The following HS6ST1 variants were observed in gnomAD, a reference collection of about 807,000 sequenced individuals.
The protein encoded by HS6ST1 is heparan-sulfate 6-O-sulfotransferase 1.
HS6ST1 carries 3 observed loss-of-function variants against 25.2 expected under a neutral mutation model. The ratio of observed to expected loss-of-function variants is 0.12; its 90% confidence interval spans 0.05 to 0.31. The LOEUF (loss-of-function observed/expected upper bound fraction) is 0.31, where lower values mean the gene tolerates loss of function less well. Among genes scored for constraint, HS6ST1 ranks in the 10% least tolerant of loss-of-function variants. The pLI is 1.00. For synonymous variants in HS6ST1, 204 were observed against 275.1 expected (o/e 0.74, Z 2.56); for missense variants, 310 against 609.6 (o/e 0.51, Z 5.18).
chr2:128,303,124 G>A (rs149374837), intron 1 of HS6ST1, among the ~76,000 whole-genome samples: 150 of 152,348 alleles, frequency 9.8e-4, no homozygotes, highest in African/African-American at 3.6e-3. Context: ...GCCTGGGCCT[G>A]CCCCACCCCT....
intron 1 of HS6ST1, among the ~76,000 whole-genome samples, chr2:128,291,525 C>G (rs17016102): frequency 0.1 from 15,350 of 152,296 alleles, 868 homozygotes; most frequent in African/African-American, 0.15. Context: ...GAAGGTGCGT[C>G]AGCGGGAGCA....
intron 1 of HS6ST1, among the ~76,000 whole-genome samples, chr2:128,292,980 C>T (rs1172780131): frequency 6.6e-6 from 1 of 152,140 alleles, no homozygotes; most frequent in East Asian, 1.9e-4. Flanking sequence ...GCAAAAGAGC[C>T]CTGGAGACCA....
At chr2:128,276,444 TAA>T in intron 1 of HS6ST1, among the ~76,000 whole-genome samples, 1 of 152,240 alleles carries the variant, frequency 6.6e-6, no homozygotes, top group East Asian at 1.9e-4. Context: ...CCTGTTTTTT[TAA>T]AAAAGTGATG....
At chr2:128,282,528 G>A (rs1485604168) in intron 1 of HS6ST1, among the ~76,000 whole-genome samples, 2 of 152,218 alleles carry the variant, frequency 1.3e-5, no homozygotes, top group Admixed American at 1.3e-4. Flanking sequence ...GGGCAGCTCC[G>A]CCAGCGTCCT....
At chr2:128,294,197 CT>C (rs1694001631) in intron 1 of HS6ST1, among the ~76,000 whole-genome samples, 1 of 152,242 alleles carries the variant, frequency 6.6e-6, no homozygotes, top group Non-Finnish European at 1.5e-5. Flanking sequence ...CCACATGGCT[CT>C]TCTGTCATAC....
chr2:128,313,957 G>C (rs374610109), intron 1 of HS6ST1, among the ~76,000 whole-genome samples: 2 of 149,664 alleles, frequency 1.3e-5, no homozygotes, highest in East Asian at 3.9e-4. Flanking sequence ...AAAAAAAAAG[G>C]ATTTTTTATC....
chr2:128,289,879 A>G (rs1036848764), intron 1 of HS6ST1: 1 of 152,244 alleles, frequency 6.6e-6, no homozygotes, highest in Non-Finnish European at 1.5e-5. Flanking sequence ...TTATTTGTAT[A>G]AAATGTCCAA....
intron 1 of HS6ST1, among the ~76,000 whole-genome samples, chr2:128,302,348 T>C (rs544820309): frequency 2.0e-5 from 3 of 152,294 alleles, no homozygotes; most frequent in South Asian, 2.1e-4. Context: ...TGTGTCTGCA[T>C]GTTTACTGAT....
chr2:128,306,827 C>G (rs922969797), intron 1 of HS6ST1, among the ~76,000 whole-genome samples: 2 of 152,144 alleles, frequency 1.3e-5, no homozygotes, highest in African/African-American at 4.8e-5. Flanking sequence ...TGGGTGCGCC[C>G]GCAGCAGACG....
chr2:128,308,888 G>A (rs1230067042), intron 1 of HS6ST1, among the ~76,000 whole-genome samples: 2 of 152,318 alleles, frequency 1.3e-5, no homozygotes, highest in Middle Eastern at 6.8e-3. Flanking sequence ...TGGCTCTGGA[G>A]GTCTCTTCCC....
At chr2:128,270,725 G>T (rs1331471436) in intron 1 of HS6ST1, among the ~76,000 whole-genome samples, 1 of 152,172 alleles carries the variant, frequency 6.6e-6, no homozygotes, top group East Asian at 1.9e-4. Context: ...ACTCCTGTGG[G>T]GCCGTGACCA....
At chr2:128,306,407 A>G (rs1178098202) in intron 1 of HS6ST1, among the ~76,000 whole-genome samples, 1 of 151,826 alleles carries the variant, frequency 6.6e-6, no homozygotes, top group Non-Finnish European at 1.5e-5. Context: ...CGACACCCCC[A>G]CCCCACCCTG....
chr2:128,296,423 C>T, intron 1 of HS6ST1, among the ~76,000 whole-genome samples: 1 of 152,222 alleles, frequency 6.6e-6, no homozygotes, highest in Non-Finnish European at 1.5e-5. Context: ...GGAAAGTTAT[C>T]TCTCTTCTCA....
intron 1 of HS6ST1, among the ~76,000 whole-genome samples, chr2:128,290,432 G>C (rs1381889333): frequency 6.6e-6 from 1 of 152,096 alleles, no homozygotes; most frequent in Admixed American, 6.5e-5. Context: ...GCTAAGCTCA[G>C]AGTTCAAATA....
chr2:128,305,959 G>A (rs115916473), intron 1 of HS6ST1, among the ~76,000 whole-genome samples: 3,267 of 152,258 alleles, frequency 0.021, 125 homozygotes, highest in African/African-American at 0.075. Context: ...CCCACTCTGG[G>A]GAGTGACCTG....
At chr2:128,302,209 T>C (rs1694141660) in intron 1 of HS6ST1, among the ~76,000 whole-genome samples, 1 of 152,134 alleles carries the variant, frequency 6.6e-6, no homozygotes, top group East Asian at 1.9e-4. Flanking sequence ...TAGGGGAGGA[T>C]ACCTGGTCTC....
intron 1 of HS6ST1, among the ~76,000 whole-genome samples, chr2:128,310,061 G>A (rs781458319): frequency 3.6e-4 from 55 of 152,196 alleles, no homozygotes; most frequent in Non-Finnish European, 6.9e-4. Context: ...GGGCCCATGA[G>A]ACCCACCGGC....
At chr2:128,307,841 G>A (rs1694235354) in intron 1 of HS6ST1, among the ~76,000 whole-genome samples, 2 of 152,186 alleles carry the variant, frequency 1.3e-5, no homozygotes. Context: ...GGGACACATA[G>A]GGACCATGAG....
chr2:128,269,097 G>A (rs550560580), intron 1 of HS6ST1, among the ~76,000 whole-genome samples: 37 of 152,334 alleles, frequency 2.4e-4, no homozygotes, highest in South Asian at 1.2e-3. Context: ...GCCCTGCAGC[G>A]CCTGGCCTGG....
Sources: allele counts gnomAD v4.1 joint callset (sites outside exome capture counted in the v4.1 genomes callset), GRCh38; gene constraint gnomAD v4.1.1; transcripts MANE v1.5; gene names NCBI Gene and HGNC (gene_info 2026-07-23, HGNC 2026-07-21).